FOXP2: variants seen among roughly 807,000 people sequenced by gnomAD.
FOXP2 encodes the protein forkhead box P2, also known as forkhead box protein P2.
FOXP2 carries 12 observed loss-of-function variants against 115.8 expected under a neutral mutation model. The ratio of observed to expected loss-of-function variants is 0.10; its 90% confidence interval spans 0.07 to 0.17. The LOEUF (loss-of-function observed/expected upper bound fraction) is 0.17. Ranked by LOEUF, FOXP2 falls within the 10% of genes least tolerant of loss-of-function variation. The probability of loss-of-function intolerance (pLI) is 1.00; values close to 1 mark genes in which losing one functional copy is unlikely to be tolerated. For synonymous variants in FOXP2, 328 were observed against 297.7 expected (o/e 1.10, Z -1.05); for missense variants, 629 against 843.5 (o/e 0.75, Z 3.15).
intron 1 of FOXP2, among the ~76,000 whole-genome samples, chr7:114,119,074 A>G (rs1189433581): frequency 2.0e-5 from 3 of 152,174 alleles, no homozygotes; most frequent in African/African-American, 7.2e-5. Flanking sequence ...TGAGTGAAAA[A>G]ATATGCATAG....
intron 2 of FOXP2, among the ~76,000 whole-genome samples, chr7:114,443,210 C>G (rs907216679): frequency 6.6e-6 from 1 of 152,050 alleles, no homozygotes; most frequent in African/African-American, 2.4e-5. Flanking sequence ...ACTGTCTCTA[C>G]AATATTTAAA....
At chr7:114,467,201 T>C (rs1354301455) in intron 2 of FOXP2, among the ~76,000 whole-genome samples, 2 of 152,200 alleles carry the variant, frequency 1.3e-5, no homozygotes, top group Middle Eastern at 3.2e-3. Flanking sequence ...TGGTTGCTTG[T>C]GTTTCTTGTT....
At chr7:114,361,273 T>C (rs2129187582) in intron 2 of FOXP2, among the ~76,000 whole-genome samples, 1 of 152,204 alleles carries the variant, frequency 6.6e-6, no homozygotes, top group East Asian at 1.9e-4. Flanking sequence ...AAGAATTGAT[T>C]TCAGTCTCAT....
chr7:114,125,065 G>A (rs1434033193), intron 1 of FOXP2, among the ~76,000 whole-genome samples: 2 of 152,050 alleles, frequency 1.3e-5, no homozygotes, highest in South Asian at 2.1e-4. Context: ...AACCACTACC[G>A]ACTTCCATCA....
intron 3 of FOXP2, among the ~76,000 whole-genome samples, chr7:114,574,335 G>C (rs962332645): frequency 2.0e-5 from 3 of 151,694 alleles, no homozygotes; most frequent in African/African-American, 4.8e-5. Flanking sequence ...GAGGGTATAA[G>C]AGGAAGAGAG....
chr7:114,272,009 A>T (rs978260029), intron 1 of FOXP2, among the ~76,000 whole-genome samples: 1 of 136,920 alleles, frequency 7.3e-6, no homozygotes, highest in South Asian at 2.1e-4. Context: ...GTAATATTAT[A>T]ATTATAATAT....
intron 2 of FOXP2, among the ~76,000 whole-genome samples, chr7:114,318,680 C>T (rs112914033): frequency 1.1e-3 from 168 of 150,722 alleles, no homozygotes; most frequent in African/African-American, 3.9e-3. Context: ...TTTCCAATAT[C>T]AGACAACTAT....
chr7:114,205,835 T>C (rs1279687326), intron 1 of FOXP2, among the ~76,000 whole-genome samples: 2 of 152,126 alleles, frequency 1.3e-5, no homozygotes, highest in Non-Finnish European at 2.9e-5. Context: ...ATGAAGGCTA[T>C]TCTAGAAAGT....
intron 1 of FOXP2, among the ~76,000 whole-genome samples, chr7:114,100,928 T>C (rs1394199290): frequency 1.3e-5 from 2 of 152,186 alleles, no homozygotes; most frequent in Admixed American, 6.6e-5. Flanking sequence ...GAGTCACAGA[T>C]TGTCAACTGT....
chr7:114,426,989 C>T (rs1230313033), intron 2 of FOXP2, among the ~76,000 whole-genome samples: 1 of 151,588 alleles, frequency 6.6e-6, no homozygotes, highest in East Asian at 1.9e-4. Flanking sequence ...CATTGTGCTG[C>T]AGAACGTGAT....
chr7:114,361,728 G>T (rs1258507717), intron 2 of FOXP2, among the ~76,000 whole-genome samples: 1 of 151,966 alleles, frequency 6.6e-6, no homozygotes, highest in Non-Finnish European at 1.5e-5. Context: ...AATTCAGAAT[G>T]TTTTAAACAT....
chr7:114,370,456 C>T (rs1417954413), intron 2 of FOXP2, among the ~76,000 whole-genome samples: 1 of 152,176 alleles, frequency 6.6e-6, no homozygotes, highest in African/African-American at 2.4e-5. Context: ...TTCCTAGCCT[C>T]GTTTATGTAA....
At chr7:114,547,367 C>T (rs1799976741) in intron 3 of FOXP2, among the ~76,000 whole-genome samples, 2 of 152,098 alleles carry the variant, frequency 1.3e-5, no homozygotes, top group African/African-American at 4.8e-5. Context: ...CTCCTCATTG[C>T]TCTATATTAA....
chr7:114,671,954 T>C (rs1259949864), intron 16 of FOXP2, among the ~76,000 whole-genome samples: 1 of 152,238 alleles, frequency 6.6e-6, no homozygotes, highest in Non-Finnish European at 1.5e-5. Context: ...TATACTTGAA[T>C]ATTTCAACAC....
At chr7:114,538,894 A>G (rs999999321) in intron 3 of FOXP2, among the ~76,000 whole-genome samples, 1 of 151,836 alleles carries the variant, frequency 6.6e-6, no homozygotes, top group Non-Finnish European at 1.5e-5. Context: ...ATGGAAAACC[A>G]TTGCGCAAAT....
intron 2 of FOXP2, among the ~76,000 whole-genome samples, chr7:114,473,496 G>T (rs1410056158): frequency 2.0e-5 from 3 of 152,260 alleles, no homozygotes; most frequent in Middle Eastern, 6.8e-3. Context: ...TAGATTCAAA[G>T]ATCTAGTTTT....
chr7:114,498,960 T>A (rs1349203943), intron 2 of FOXP2: 1 of 717,456 alleles, frequency 1.4e-6, no homozygotes, highest in Non-Finnish European at 2.6e-6. Context: ...AGAAGAGCGA[T>A]TCTCAAAAGT....
chr7:114,419,930 T>G (rs1277817909), intron 1 of FOXP2: 1 of 151,910 alleles, frequency 6.6e-6, no homozygotes, highest in African/African-American at 2.4e-5. Flanking sequence ...GCTGTGGGTC[T>G]TCCAATGGGA....
At chr7:114,576,993 A>C (rs564594594) in intron 3 of FOXP2, among the ~76,000 whole-genome samples, 1 of 151,976 alleles carries the variant, frequency 6.6e-6, no homozygotes, top group African/African-American at 2.4e-5. Context: ...TATATAAAAG[A>C]GTGTGCATGT....
Sources: gnomAD v4.1 joint callset for allele counts (sites outside exome capture counted in the v4.1 genomes callset) on GRCh38, gnomAD v4.1.1 for gene constraint, MANE v1.5 for transcripts, NCBI Gene and HGNC (gene_info 2026-07-23, HGNC 2026-07-21) for gene names.